ZBTB14: variants seen among roughly 807,000 people sequenced by gnomAD.
ZBTB14 encodes the protein zinc finger and BTB domain-containing protein 14.
In ZBTB14, 8 loss-of-function variants were observed where a neutral mutation model predicts 29.5. That is an observed-to-expected ratio of 0.27 (90% CI 0.16 to 0.49). ZBTB14 has a LOEUF of 0.49. ZBTB14 is among the 20% of genes least tolerant of loss of function. The probability of loss-of-function intolerance (pLI) is 0.99; values close to 1 mark genes in which losing one functional copy is unlikely to be tolerated. For missense variants in ZBTB14, 333 were observed against 563.8 expected, an observed-to-expected ratio of 0.59 and a Z score of 4.15; for synonymous variants, 226 against 207.2, an observed-to-expected ratio of 1.09 and a Z score of -0.78.
chr18:5,295,475 G>T (rs1287567879), intron 1 of ZBTB14, among the ~76,000 whole-genome samples, 177 bp downstream of exon 1: 1 of 144,802 alleles, frequency 6.9e-6, no homozygotes, highest in African/African-American at 2.5e-5. Context: ...CCCCACCGCG[G>T]TGCACTGCGG....
At chr18:5,292,255 G>C (rs879386804) in intron 3 of ZBTB14, 51 bp from the exon 4 acceptor site, 2 of 1,343,580 alleles carry the variant, frequency 1.5e-6, no homozygotes, top group Non-Finnish European at 2.0e-6. Flanking sequence ...TTTCCATATA[G>C]AGAACACAGT....
chr18:5,289,358 A>G lies in ZBTB14; in HGVS notation c.*1500T>C, dbSNP rs574518366. On this transcript the variant is annotated 3_prime_UTR_variant, in exon 4 of 4. Transcript: ENST00000651870. Reference sequence around the variant, plus strand: ...CAAATTTCTTTCACAATAGAATTACAGGTGTTAATGCAACAAGCTATGAAG... The same window carrying G: ...CAAATTTCTTTCACAATAGAATTACGGGTGTTAATGCAACAAGCTATGAAG... 6.6e-6 allele frequency: 1 copy of G among 152,384 alleles called. No homozygotes were observed. Among genetic ancestry groups the G allele is most frequent in the African/African-American group, 2.4e-5 (1 of 41,592 alleles). The allele number at this position is 152,384 out of a possible 1,614,324, so 9.4% of individuals were successfully genotyped here. A position where few individuals can be genotyped will look rare whatever the true frequency, so the allele number is the denominator to read the frequency against.
At chr18:5,294,534 C>T (rs187014879) in intron 1 of ZBTB14, among the ~76,000 whole-genome samples, 3 of 152,292 alleles carry the variant, frequency 2.0e-5, no homozygotes, top group Admixed American at 2.0e-4. Context: ...ATGTATGAGA[C>T]CTGGAAGAGA....
chr18:5,289,515 T>C lies in ZBTB14; in HGVS notation c.*1343A>G, dbSNP rs989715037. On this transcript the variant is annotated 3_prime_UTR_variant, in exon 4 of 4. Transcript: ENST00000651870. ...TTTTTACAGAACACAATTCAAACTA[T>C]TGTTGGCATTTCAATATATTCCTAA... 22 of 152,212 alleles carry C rather than the reference T, an allele frequency of 1.4e-4. No individual in the cohort carries two copies. Among genetic ancestry groups the C allele is most frequent in the South Asian group, 6.2e-4 (3 of 4,832 alleles). 9.4% of individuals were successfully genotyped at this position (152,212 alleles called of 1,614,324 possible).
chr18:5,293,397 A>G, intron 2 of ZBTB14, 70 bp from the exon 3 acceptor site: 1 of 824,724 alleles, frequency 1.2e-6, no homozygotes, highest in Non-Finnish European at 1.9e-6. Context: ...CCAAGAATTG[A>G]TTTTTTAAAA....
chr18:5,294,872 A>G (rs2071908169), intron 1 of ZBTB14: 1 of 152,128 alleles, frequency 6.6e-6, no homozygotes, highest in Non-Finnish European at 1.5e-5. Flanking sequence ...CCTTGTTGCA[A>G]GCTTGCAACT....
Position 5,290,596 on chromosome 18 carries a change from T to C in ZBTB14, c.*262A>G, listed in dbSNP as rs1374310108. 5.9e-6 allele frequency: 2 copies of C among 340,454 alleles called. No individual in the cohort carries two copies. Among genetic ancestry groups the C allele is most frequent in the Admixed American group, 5.0e-5 (1 of 19,956 alleles). The allele number at this position is 340,454 out of a possible 1,614,324, so 21.1% of individuals were successfully genotyped here. A position where few individuals can be genotyped will look rare whatever the true frequency, so the allele number is the denominator to read the frequency against. ...CACAGGAGTTCTCAAATTAAAATAATAAAAAAAAAAAAGGGAGAGAGGTGC... is the reference window on the plus strand; with the variant it reads ...CACAGGAGTTCTCAAATTAAAATAACAAAAAAAAAAAAGGGAGAGAGGTGC... On this transcript the variant is annotated 3_prime_UTR_variant, in exon 4 of 4. Transcript: ENST00000651870.
At chr18:5,294,491 G>A (rs1032611313) in intron 1 of ZBTB14, among the ~76,000 whole-genome samples, 1 of 152,092 alleles carries the variant, frequency 6.6e-6, no homozygotes, top group Non-Finnish European at 1.5e-5. Context: ...GTGTGTACTT[G>A]GCCACTCGCC....
chr18:5,296,507 C>CG (rs1178256853), upstream of ZBTB14, among the ~76,000 whole-genome samples: 2 of 151,352 alleles, frequency 1.3e-5, no homozygotes, highest in Non-Finnish European at 3.0e-5. Context: ...GCTGAGGCTG[C>CG]GGGGCTCTGC....
Position 5,295,646 on chromosome 18 carries a change from TCGCAC to T in ZBTB14, c.-112+1_-112+5del, listed in dbSNP as rs1198429350. ...AACCCTGGCCCACGCCCGTCCCCGC[TCGCAC>T]CGCGCCGCGCCGCTGGCGGCCGCCG... is the stretch of plus-strand genomic sequence containing the variant. On this transcript the variant is annotated splice_donor_variant and splice_donor_5th_base_variant and intron_variant, in intron 1 of 3. Transcript: ENST00000651870. LOFTEE classifies it low-confidence loss of function (5UTR_SPLICE). 1.4e-5 allele frequency: 2 copies of T among 138,098 alleles called. No individual in the cohort carries two copies. Among genetic ancestry groups the T allele is most frequent in the Admixed American group, 7.1e-5 (1 of 14,142 alleles). 8.6% of individuals were successfully genotyped at this position (138,098 alleles called of 1,614,324 possible).
Position 5,290,760 on chromosome 18 carries a change from T to C in ZBTB14, c.*98A>G, listed in dbSNP as rs781436863. On this transcript the variant is annotated 3_prime_UTR_variant, in exon 4 of 4. Transcript: ENST00000651870. ...TAAGTCCAGTGAGTACAATGTTCCA[T>C]ACGTTTCCACAAAAATATTGTAACT... 5 of 1,520,222 alleles carry C rather than the reference T, an allele frequency of 3.3e-6. No individual in the cohort carries two copies. The highest frequency in any genetic ancestry group is 4.4e-6 in the Non-Finnish European group (5 of 1,131,544). 94.2% of individuals were successfully genotyped at this position (1,520,222 alleles called of 1,614,324 possible).
At chr18:5,294,384 C>T (rs928281416) in intron 1 of ZBTB14, among the ~76,000 whole-genome samples, 3 of 152,204 alleles carry the variant, frequency 2.0e-5, no homozygotes, top group Admixed American at 2.0e-4. Flanking sequence ...ACTAACTCGT[C>T]CTAGGGCTTG....
chr18:5,290,735 T>C lies in ZBTB14; in HGVS notation c.*123A>G. 1 of 1,437,570 alleles carries C rather than the reference T, an allele frequency of 7.0e-7. No individual in the cohort carries two copies. The highest frequency in any genetic ancestry group is 2.3e-5 in the East Asian group (1 of 43,734). 89.1% of individuals were successfully genotyped at this position (1,437,570 alleles called of 1,614,324 possible). On this transcript the variant is annotated 3_prime_UTR_variant, in exon 4 of 4. Coordinates refer to ENST00000651870, the MANE Select transcript of ZBTB14 (RefSeq NM_001243702.2). ...AAAAATAGCTAACCAAGCACTGCCT[T>C]AAGTCCAGTGAGTACAATGTTCCAT... is the stretch of plus-strand genomic sequence containing the variant.
chr18:5,294,658 T>C (rs2071900788), intron 1 of ZBTB14: 1 of 151,270 alleles, frequency 6.6e-6, no homozygotes, highest in Admixed American at 6.6e-5. Flanking sequence ...CCAGCATCTG[T>C]GTAGGCAGGT....
rs1638861113 is a variant in ZBTB14 at position 5,289,268 on chromosome 18, A to C, written c.*1590T>G. 6.6e-6 allele frequency: 1 copy of C among 152,240 alleles called. No homozygotes were observed. Among genetic ancestry groups the C allele is most frequent in the Non-Finnish European group, 1.5e-5 (1 of 68,042 alleles). 9.4% of individuals were successfully genotyped at this position (152,240 alleles called of 1,614,324 possible). A position where few individuals can be genotyped will look rare whatever the true frequency, so the allele number is the denominator to read the frequency against. ...AAATTAAACATTTTACCAATAACTA[A>C]AATTTTTAAAAAGGTAGCATCTTCA... On this transcript the variant is annotated 3_prime_UTR_variant, in exon 4 of 4. Transcript: ENST00000651870.
At position 5,293,304 on chromosome 18, in the gene ZBTB14, ACT is replaced by A. The variant is rs1252333175; in HGVS notation, c.-60_-59del. On this transcript the variant is annotated 5_prime_UTR_variant, in exon 3 of 4. An upstream open reading frame in the 5' UTR gains an earlier in-frame stop. Coordinates refer to ENST00000651870, the MANE Select transcript of ZBTB14 (RefSeq NM_001243702.2). ...ACGCCAAAATCTTCAGATCAGAGTAACTCTGATCAGGAGCACGCCAGACCTAC... is the reference window on the plus strand; with the variant it reads ...ACGCCAAAATCTTCAGATCAGAGTAACTGATCAGGAGCACGCCAGACCTAC... 3 of 1,602,702 alleles carry A rather than the reference ACT, an allele frequency of 1.9e-6. No homozygotes were observed. The highest frequency in any genetic ancestry group is 2.7e-5 in the African/African-American group (2 of 74,542).
At chr18:5,296,267 C>G (rs2071963768), upstream of ZBTB14, 1 of 149,594 alleles carries the variant, frequency 6.7e-6, no homozygotes, top group South Asian at 2.1e-4. Flanking sequence ...GCGGAGCCCG[C>G]GCGCGGGAGA....
intron 1 of ZBTB14, among the ~76,000 whole-genome samples, chr18:5,295,220 C>A (rs1379689040): frequency 6.9e-6 from 1 of 144,732 alleles, no homozygotes; most frequent in Non-Finnish European, 1.5e-5. Flanking sequence ...GCCCGCGAGC[C>A]CGGAGCTCGC....
chr18:5,293,281 G>A lies in ZBTB14; in HGVS notation c.-35C>T, dbSNP rs764329713. 8.7e-6 allele frequency: 14 copies of A among 1,611,816 alleles called. No homozygotes were observed. In the East Asian group the frequency reaches 1.3e-4, roughly 15 times the overall value. ...AGGCTATTATCTTAATGCCTTGAAC[G>A]CCAAAATCTTCAGATCAGAGTAACT... is the stretch of plus-strand genomic sequence containing the variant. On this transcript the variant is annotated 5_prime_UTR_variant, in exon 3 of 4. Transcript: ENST00000651870.
Sources: gnomAD v4.1 joint callset for allele counts (sites outside exome capture counted in the v4.1 genomes callset) on GRCh38, gnomAD v4.1.1 for gene constraint, MANE v1.5 for transcripts, NCBI Gene and HGNC (gene_info 2026-07-23, HGNC 2026-07-21) for gene names.